CPPED1: variants seen among roughly 807,000 people sequenced by gnomAD.
CPPED1 encodes the protein serine/threonine-protein phosphatase CPPED1.
A neutral mutation model predicts 28.0 loss-of-function variants in CPPED1; 28 were observed. That is an observed-to-expected ratio of 1.00 (90% confidence interval 0.74 to 1.37). The LOEUF is 1.37. Ranked by LOEUF, CPPED1 falls within the 40% of genes most tolerant of loss-of-function variation. The pLI is 0.00. For missense variants in CPPED1, 504 were observed against 416.5 expected, an observed-to-expected ratio of 1.21 and a Z score of -1.83; for synonymous variants, 198 against 180.2, an observed-to-expected ratio of 1.10 and a Z score of -0.79.
At chr16:12,787,844 G>C (rs1387087099) in intron 1 of CPPED1, among the ~76,000 whole-genome samples, 1 of 152,172 alleles carries the variant, frequency 6.6e-6, no homozygotes, top group Non-Finnish European at 1.5e-5. Flanking sequence ...GCCTCTGTGG[G>C]AGTCTGGCAT....
At chr16:12,797,026 T>G (rs2080631544) in intron 1 of CPPED1, among the ~76,000 whole-genome samples, 1 of 152,172 alleles carries the variant, frequency 6.6e-6, no homozygotes, top group South Asian at 2.1e-4. Flanking sequence ...ATTTTTCCAT[T>G]AACATGAAAT....
intron 2 of CPPED1, among the ~76,000 whole-genome samples, chr16:12,750,745 C>A (rs148483829): frequency 5.9e-5 from 9 of 152,186 alleles, no homozygotes; most frequent in African/African-American, 1.9e-4. Context: ...CTGAGGTGGG[C>A]GGATCACTTG....
At chr16:12,668,554 C>A (rs895763890) in intron 3 of CPPED1, among the ~76,000 whole-genome samples, 1 of 152,126 alleles carries the variant, frequency 6.6e-6, no homozygotes, top group Non-Finnish European at 1.5e-5. Context: ...GAAAAGACAA[C>A]CCATGGAATG....
chr16:12,711,728 G>A (rs1567283263), intron 2 of CPPED1, among the ~76,000 whole-genome samples: 1 of 152,116 alleles, frequency 6.6e-6, no homozygotes, highest in South Asian at 2.1e-4. Context: ...AGATTCAGAG[G>A]ACCTGAGGTT....
chr16:12,695,872 A>G (rs2079987120), intron 3 of CPPED1, among the ~76,000 whole-genome samples: 1 of 152,202 alleles, frequency 6.6e-6, no homozygotes, highest in Non-Finnish European at 1.5e-5. Context: ...TCTTTGCTCA[A>G]CTAAACTGTG....
intron 1 of CPPED1, among the ~76,000 whole-genome samples, chr16:12,800,860 T>C (rs768383524): frequency 6.6e-6 from 1 of 152,014 alleles, no homozygotes; most frequent in Admixed American, 6.6e-5. Flanking sequence ...AGTTAACTCA[T>C]ACTCCTCTTT....
intron 2 of CPPED1, 46 bp downstream of exon 2, chr16:12,781,139 G>C (rs1025965629): frequency 1.9e-6 from 3 of 1,551,516 alleles, no homozygotes; most frequent in South Asian, 1.2e-5. Flanking sequence ...ATGCAGTCAT[G>C]ACCGGCTGAA....
At chr16:12,799,397 C>G (rs2080645868) in intron 1 of CPPED1, among the ~76,000 whole-genome samples, 1 of 152,122 alleles carries the variant, frequency 6.6e-6, no homozygotes, top group African/African-American at 2.4e-5. Context: ...AGGTGCCTGC[C>G]ACCACACCCG....
At chr16:12,672,369 G>A (rs1336213323) in intron 3 of CPPED1, among the ~76,000 whole-genome samples, 1 of 152,158 alleles carries the variant, frequency 6.6e-6, no homozygotes, top group Non-Finnish European at 1.5e-5. Flanking sequence ...ATGGTTCAAT[G>A]TGCATCACAG....
In CPPED1 at chr16:12,661,155, T is replaced by C. The variant is rs2079791862; in HGVS notation, c.*3731A>G. The C allele has an allele frequency of 6.6e-6, 1 of 152,188 alleles. No individual in the cohort carries two copies. The highest frequency in any genetic ancestry group is 2.4e-5 in the African/African-American group (1 of 41,446). 9.4% of individuals were successfully genotyped at this position (152,188 alleles called of 1,614,324 possible). A position where few individuals can be genotyped will look rare whatever the true frequency, so the allele number is the denominator to read the frequency against. On this transcript the variant is annotated 3_prime_UTR_variant, in exon 4 of 4. Coordinates refer to ENST00000381774, the MANE Select transcript of CPPED1 (RefSeq NM_018340.3). ...AAATGCAAATGATGTTTTGGCAACC[T>C]TTTCTCAAAAGATTCTGCATTGGAA...
At chr16:12,696,548 T>G (rs1186443819) in intron 3 of CPPED1, among the ~76,000 whole-genome samples, 1 of 151,514 alleles carries the variant, frequency 6.6e-6, no homozygotes, top group African/African-American at 2.4e-5. Context: ...TTCAAGTGAT[T>G]CTCGTGCCTC....
intron 3 of CPPED1, among the ~76,000 whole-genome samples, chr16:12,694,585 G>A (rs571220889): frequency 2.0e-4 from 31 of 151,938 alleles, no homozygotes; most frequent in Admixed American, 9.2e-4. Context: ...GATGTTTTGC[G>A]GTGAACTGAT....
chr16:12,781,035 T>C (rs934628588), intron 2 of CPPED1, 150 bp downstream of exon 2: 4 of 641,504 alleles, frequency 6.2e-6, no homozygotes, highest in Admixed American at 2.8e-5. Flanking sequence ...CACTTTCTGA[T>C]GTTCAATGAT....
rs949749365 is a variant in CPPED1, at chr16:12,664,040, G to C, written c.*846C>G. ...ACATTCCCACTTTTCCTGTCAAAGT[G>C]GACAAAATGAAGAGTCTCATGAGTG... On this transcript the variant is annotated 3_prime_UTR_variant, in exon 4 of 4. Transcript: ENST00000381774. This position sits in a 1 kb window ranked among gnomAD's most constrained non-coding sequence, Gnocchi z 4.2. 6.6e-6 allele frequency: 1 copy of C among 152,112 alleles called. No homozygotes were observed. The highest frequency in any genetic ancestry group is 1.5e-5 in the Non-Finnish European group (1 of 68,036). The allele number at this position is 152,112 out of a possible 1,614,324, so 9.4% of individuals were successfully genotyped here.
At chr16:12,737,828 C>T (rs1227682348) in intron 2 of CPPED1, among the ~76,000 whole-genome samples, 1 of 152,150 alleles carries the variant, frequency 6.6e-6, no homozygotes, top group Non-Finnish European at 1.5e-5. Flanking sequence ...AACATTTGAG[C>T]AATTTTCTCT....
At chr16:12,708,101 C>T (rs912481794) in intron 2 of CPPED1, among the ~76,000 whole-genome samples, 1 of 152,106 alleles carries the variant, frequency 6.6e-6, no homozygotes, top group Non-Finnish European at 1.5e-5. Flanking sequence ...GAGCTGAGAC[C>T]GTGCCACTGC....
chr16:12,795,431 C>T (rs2080621821), intron 1 of CPPED1, among the ~76,000 whole-genome samples: 7 of 152,202 alleles, frequency 4.6e-5, no homozygotes, highest in African/African-American at 1.7e-4. Context: ...ACTCCGCCTC[C>T]CAGGCGCATG....
chr16:12,767,556 G>A (rs954046339), intron 2 of CPPED1, among the ~76,000 whole-genome samples: 1 of 151,806 alleles, frequency 6.6e-6, no homozygotes, highest in African/African-American at 2.4e-5. Flanking sequence ...GCATCATCAC[G>A]ACCTCAAGCA....
At chr16:12,778,109 C>T (rs994047226) in intron 2 of CPPED1, among the ~76,000 whole-genome samples, 1 of 151,698 alleles carries the variant, frequency 6.6e-6, no homozygotes, top group Non-Finnish European at 1.5e-5. Flanking sequence ...GGGGTTTCAC[C>T]ATGTTGGCCA....
Sources: allele counts gnomAD v4.1 joint callset (sites outside exome capture counted in the v4.1 genomes callset), GRCh38; gene constraint gnomAD v4.1.1; non-coding constraint Gnocchi (gnomAD v3.1); transcripts MANE v1.5; gene names NCBI Gene and HGNC (gene_info 2026-07-23, HGNC 2026-07-21).